CACNA1A: variants seen among roughly 807,000 people sequenced by gnomAD.
CACNA1A encodes voltage-dependent P/Q-type calcium channel subunit alpha-1A.
In CACNA1A, 57 loss-of-function variants were observed where a neutral mutation model predicts 262.4. The ratio of observed to expected loss-of-function variants is 0.22; its 90% CI spans 0.18 to 0.27. The LOEUF (loss-of-function observed/expected upper bound fraction) is 0.27, where lower values mean the gene tolerates loss of function less well. Among genes scored for constraint, CACNA1A ranks in the 10% least tolerant of loss-of-function variants. The pLI is 1.00. For missense variants in CACNA1A, 2,526 were observed against 3,562.8 expected, an observed-to-expected ratio of 0.71 and a Z score of 7.41; for synonymous variants, 1,431 against 1,419.3, an observed-to-expected ratio of 1.01 and a Z score of -0.18.
chr19:13,497,636 G>A (rs1422955272), intron 1 of CACNA1A, among the ~76,000 whole-genome samples: 7 of 133,028 alleles, frequency 5.3e-5, no homozygotes, highest in Middle Eastern at 5.2e-3. Context: ...CCAGCTTCTC[G>A]GGAGGCTAAG....
At position 13,406,468 on chromosome 19, in the gene CACNA1A, TATATATA is replaced by T. The variant is rs2060007303; in HGVS notation, c.540-34696_540-34690del. On this transcript the variant is annotated intron_variant, in intron 3 of 46. Coordinates refer to ENST00000360228, the MANE Select transcript of CACNA1A (RefSeq NM_001127222.2). ...AGACTCTGTCTCAAAAAAAAAATTA[TATATATA>T]TATATATATATATATATATATATAT... Among the ~76,000 whole-genome samples the T allele has an allele frequency of 5.1e-4, 7 of 13,792 alleles. 1 individual carries two copies. The highest frequency in any genetic ancestry group is 1.3e-3 in the African/African-American group (6 of 4,722). 9.0% of individuals were successfully genotyped at this position (13,792 alleles called of 152,430 possible).
At chr19:13,235,325 A>T in intron 32 of CACNA1A, 51 bp from the exon 33 acceptor site, 1 of 1,485,772 alleles carries the variant, frequency 6.7e-7, no homozygotes, top group Non-Finnish European at 9.2e-7. Flanking sequence ...CCTCAGCCGC[A>T]CTGTCTTCCT....
intron 3 of CACNA1A, among the ~76,000 whole-genome samples, chr19:13,382,792 T>C (rs2059546054): frequency 6.6e-6 from 1 of 152,166 alleles, no homozygotes; most frequent in Admixed American, 6.5e-5. Flanking sequence ...CCCCGGTTTA[T>C]ATATAGCTGC....
At chr19:13,429,531 CAAA>C (rs35308275) in intron 3 of CACNA1A, among the ~76,000 whole-genome samples, 3 of 57,200 alleles carry the variant, frequency 5.2e-5, no homozygotes, top group Non-Finnish European at 1.2e-4. Context: ...TCAAAGCGTC[CAAA>C]AAAAAAAAAA....
chr19:13,341,786 G>A (rs1207808935), intron 6 of CACNA1A, among the ~76,000 whole-genome samples: 3 of 151,916 alleles, frequency 2.0e-5, no homozygotes, highest in East Asian at 3.9e-4. Context: ...GCATTTCACC[G>A]CCTATATACT....
At chr19:13,226,761 C>T (rs1437851484) in intron 37 of CACNA1A, among the ~76,000 whole-genome samples, 1 of 152,208 alleles carries the variant, frequency 6.6e-6, no homozygotes, top group Non-Finnish European at 1.5e-5. Flanking sequence ...AGTGTGCCAC[C>T]GTCCAGGGGT....
intron 4 of CACNA1A, among the ~76,000 whole-genome samples, chr19:13,367,019 C>T (rs1045119879): frequency 2.8e-5 from 4 of 143,614 alleles, no homozygotes; most frequent in African/African-American, 8.9e-5. Context: ...AGGCAGGGCG[C>T]GGCGGCGGTT....
At chr19:13,350,019 T>C (rs986403238) in intron 6 of CACNA1A, among the ~76,000 whole-genome samples, 1 of 152,326 alleles carries the variant, frequency 6.6e-6, no homozygotes. Flanking sequence ...GCTATGTTGA[T>C]GGAGGTTTGT....
chr19:13,280,447 C>T (rs2057263346), intron 22 of CACNA1A, among the ~76,000 whole-genome samples: 1 of 151,700 alleles, frequency 6.6e-6, no homozygotes, highest in African/African-American at 2.4e-5. Context: ...CCCACCTTGG[C>T]CTCTCGAAGT....
At chr19:13,222,503 C>T (rs2055271550) in intron 38 of CACNA1A, among the ~76,000 whole-genome samples, 1 of 148,680 alleles carries the variant, frequency 6.7e-6, no homozygotes, top group African/African-American at 2.5e-5. Context: ...TCAAGCAATT[C>T]TCCTGCCTCA....
At chr19:13,392,936 CGGGGTTTTGCCATGTTGGCCA>C (rs2059735429) in intron 3 of CACNA1A, among the ~76,000 whole-genome samples, 2 of 152,240 alleles carry the variant, frequency 1.3e-5, no homozygotes, top group South Asian at 4.1e-4. Flanking sequence ...TTTGCGGAGA[CGGGGTTTTGCCATGTTGGCCA>C]GGGGTTTTGC....
At position 13,281,547 on chromosome 19, in the gene CACNA1A, C is replaced by T. The variant is rs569874801; in HGVS notation, c.3822+1720G>A. 1.6e-4 allele frequency among the ~76,000 whole-genome samples: 25 copies of T among 151,962 alleles called. No homozygotes were observed. The South Asian group carries it at 5.0e-3, about 30-fold the overall frequency. The stretch of plus-strand genomic sequence containing the variant: ...CTAGAGTGGGGGCTGTCCTGGGCAT[C>T]GGCGGGTGCTGAGCAACATCCCTGG... On this transcript the variant is annotated intron_variant, in intron 22 of 46. Transcript: ENST00000360228.
At chr19:13,459,075 A>C (rs1016636964) in intron 1 of CACNA1A, among the ~76,000 whole-genome samples, 17 of 152,120 alleles carry the variant, frequency 1.1e-4, no homozygotes, top group Admixed American at 1.0e-3. Flanking sequence ...TGACAACCTC[A>C]AGTGGTCTCT....
At chr19:13,232,004 G>A (rs990768413) in intron 34 of CACNA1A, 144 bp from the exon 35 acceptor site, 1 of 701,916 alleles carries the variant, frequency 1.4e-6, no homozygotes, top group African/African-American at 1.8e-5. Context: ...CCTTTTACTG[G>A]GAGCTGAGAG....
chr19:13,227,141 G>A (rs2055482886), intron 37 of CACNA1A: 1 of 211,630 alleles, frequency 4.7e-6, no homozygotes, highest in Non-Finnish European at 9.4e-6. Context: ...CAGGTGCAAG[G>A]GGACCTGGGC....
At chr19:13,253,646 C>T (rs144384943) in intron 29 of CACNA1A, among the ~76,000 whole-genome samples, 8,000 of 151,864 alleles carry the variant, frequency 0.053, 202 homozygotes, top group East Asian at 0.07. Context: ...AGCGTTTCAC[C>T]GTGTTAGCCA....
chr19:13,415,308 T>C (rs1475560911), intron 3 of CACNA1A, among the ~76,000 whole-genome samples: 1 of 151,988 alleles, frequency 6.6e-6, no homozygotes, highest in Non-Finnish European at 1.5e-5. Context: ...CCTGCATATT[T>C]TTCTCAGCCC....
intron 1 of CACNA1A, among the ~76,000 whole-genome samples, chr19:13,465,018 TC>T (rs2061207054): frequency 6.6e-6 from 1 of 151,946 alleles, no homozygotes. Context: ...AGCCTCCACC[TC>T]CTGGGTGCGA....
At chr19:13,320,226 G>A (rs1452381026) in intron 10 of CACNA1A, among the ~76,000 whole-genome samples, 1 of 144,000 alleles carries the variant, frequency 6.9e-6, no homozygotes, top group East Asian at 2.2e-4. Context: ...CAGGGGGGAT[G>A]TTCCACAGAT....
Sources: gnomAD v4.1 joint callset for allele counts (sites outside exome capture counted in the v4.1 genomes callset) on GRCh38, gnomAD v4.1.1 for gene constraint, MANE v1.5 for transcripts, NCBI Gene and HGNC (gene_info 2026-07-23, HGNC 2026-07-21) for gene names.